Variants in HECW1 observed in about 807,000 individuals in gnomAD.
HECW1 encodes the protein HECT, C2 and WW domain containing E3 ubiquitin protein ligase 1.
HECW1 carries 61 observed loss-of-function variants against 182.3 expected under a neutral mutation model. The ratio of observed to expected loss-of-function variants is 0.33; its 90% CI spans 0.27 to 0.41. The LOEUF is 0.41. Among genes scored for constraint, HECW1 ranks in the 10% least tolerant of loss-of-function variants. The pLI, the probability that HECW1 is intolerant of heterozygous loss-of-function variation, is 1.00. For synonymous variants in HECW1, 859 were observed against 832.6 expected, an observed-to-expected ratio of 1.03 and a Z score of -0.55; for missense variants, 1,739 against 2,108.9, an observed-to-expected ratio of 0.82 and a Z score of 3.44.
chr7:43,254,729 T>C (rs188585264), intron 3 of HECW1, among the ~76,000 whole-genome samples: 28 of 152,224 alleles, frequency 1.8e-4, no homozygotes, highest in Non-Finnish European at 3.2e-4. Flanking sequence ...CTCAGTTTAA[T>C]TACCATCTCT....
intron 17 of HECW1, among the ~76,000 whole-genome samples, chr7:43,487,895 C>A (rs2078705235): frequency 6.6e-6 from 1 of 151,332 alleles, no homozygotes; most frequent in Non-Finnish European, 1.5e-5. Flanking sequence ...GGAGTTTGAG[C>A]TTGTAGTGAG....
chr7:43,350,046 A>G (rs147385260), intron 5 of HECW1, among the ~76,000 whole-genome samples: 1,730 of 152,218 alleles, frequency 0.011, 42 homozygotes, highest in African/African-American at 0.039. Context: ...CAGTTCTTGT[A>G]GTGGTGGTTT....
At chr7:43,522,926 G>A (rs1165929784) in intron 24 of HECW1, 1 of 345,974 alleles carries the variant, frequency 2.9e-6, no homozygotes, top group East Asian at 1.1e-4. Flanking sequence ...ACAGCTCCGT[G>A]GTGGGGATGT....
intron 2 of HECW1, among the ~76,000 whole-genome samples, chr7:43,144,867 G>A (rs537437615): frequency 7.2e-5 from 11 of 152,158 alleles, no homozygotes; most frequent in East Asian, 5.8e-4. Flanking sequence ...TTTGATGTTC[G>A]AAAACCCAAT....
intron 2 of HECW1, among the ~76,000 whole-genome samples, chr7:43,160,550 C>G (rs142868585): frequency 6.6e-6 from 1 of 152,248 alleles, no homozygotes; most frequent in African/African-American, 2.4e-5. Context: ...TCCATTCTCC[C>G]TTGGTTTGGA....
intron 12 of HECW1, among the ~76,000 whole-genome samples, chr7:43,455,973 C>A (rs941718011): frequency 6.6e-6 from 1 of 151,854 alleles, no homozygotes; most frequent in African/African-American, 2.4e-5. Flanking sequence ...TGCACTCCAG[C>A]CTGGGTGACA....
intron 3 of HECW1, among the ~76,000 whole-genome samples, chr7:43,289,256 G>A (rs10243459): frequency 0.36 from 54,840 of 151,936 alleles, 13,344 homozygotes; most frequent in African/African-American, 0.7. Context: ...ACAGGCATGT[G>A]CCACCACGCC....
At chr7:43,442,890 A>T (rs573290739) in intron 10 of HECW1, among the ~76,000 whole-genome samples, 1 of 152,210 alleles carries the variant, frequency 6.6e-6, no homozygotes, top group Non-Finnish European at 1.5e-5. Flanking sequence ...GCCAACATGG[A>T]TAGGGAGTTC....
chr7:43,490,561 T>C (rs1250191593), intron 17 of HECW1, among the ~76,000 whole-genome samples: 1 of 152,208 alleles, frequency 6.6e-6, no homozygotes, highest in Non-Finnish European at 1.5e-5. Context: ...AAATCTATAA[T>C]GCCTCTATAG....
chr7:43,260,531 T>C (rs1157410127), intron 3 of HECW1, among the ~76,000 whole-genome samples: 8 of 152,204 alleles, frequency 5.3e-5, no homozygotes. Flanking sequence ...TCACTTCTGC[T>C]GTCATGAAGC....
intron 6 of HECW1, among the ~76,000 whole-genome samples, chr7:43,367,206 C>T (rs73099556): frequency 0.12 from 18,758 of 152,118 alleles, 1,778 homozygotes; most frequent in African/African-American, 0.26. Context: ...AGTGACATGG[C>T]ATTTATTTTT....
At chr7:43,266,502 T>C (rs1005620984) in intron 3 of HECW1, among the ~76,000 whole-genome samples, 5 of 152,016 alleles carry the variant, frequency 3.3e-5, no homozygotes, top group African/African-American at 1.2e-4. Flanking sequence ...GCCCAGCTAA[T>C]TTTTTGTATT....
chr7:43,495,613 T>G (rs964196130), intron 19 of HECW1, among the ~76,000 whole-genome samples: 1 of 152,172 alleles, frequency 6.6e-6, no homozygotes, highest in Non-Finnish European at 1.5e-5. Context: ...CCAATTACTT[T>G]TAGAGTGAAT....
intron 2 of HECW1, among the ~76,000 whole-genome samples, chr7:43,145,523 C>G (rs1257715376): frequency 6.6e-6 from 1 of 152,164 alleles, no homozygotes; most frequent in Non-Finnish European, 1.5e-5. Flanking sequence ...TTCTTGAACT[C>G]CTGGGCTCAA....
intron 5 of HECW1, among the ~76,000 whole-genome samples, chr7:43,333,087 T>C (rs769725535): frequency 2.0e-5 from 3 of 152,148 alleles, no homozygotes; most frequent in Admixed American, 6.5e-5. Flanking sequence ...TCTGGTCCCA[T>C]AGAGAGCTCA....
At chr7:43,320,093 A>G (rs972473867) in intron 4 of HECW1, among the ~76,000 whole-genome samples, 2 of 152,152 alleles carry the variant, frequency 1.3e-5, no homozygotes, top group African/African-American at 4.8e-5. Context: ...CAGCTGCTGA[A>G]TGAACAATGA....
intron 12 of HECW1, among the ~76,000 whole-genome samples, chr7:43,455,432 G>T (rs2077368979): frequency 6.6e-6 from 1 of 152,134 alleles, no homozygotes; most frequent in Admixed American, 6.5e-5. Flanking sequence ...GCACATCCAA[G>T]ATTTTAGAAC....
At chr7:43,380,729 A>G (rs1425879081) in intron 6 of HECW1, among the ~76,000 whole-genome samples, 1 of 151,792 alleles carries the variant, frequency 6.6e-6, no homozygotes, top group Non-Finnish European at 1.5e-5. Context: ...GGGTTTCACC[A>G]TGTTGGCCAG....
intron 3 of HECW1, among the ~76,000 whole-genome samples, chr7:43,276,265 G>A (rs924150011): frequency 6.6e-6 from 1 of 152,078 alleles, no homozygotes; most frequent in African/African-American, 2.4e-5. Flanking sequence ...AAAAGGCCAG[G>A]GACATTGATT....
Sources: gnomAD v4.1 joint callset for allele counts (sites outside exome capture counted in the v4.1 genomes callset) on GRCh38, gnomAD v4.1.1 for gene constraint, MANE v1.5 for transcripts, NCBI Gene and HGNC (gene_info 2026-07-23, HGNC 2026-07-21) for gene names.